Variants in NR4A3 observed in about 807,000 individuals in gnomAD.
NR4A3 encodes chondrosarcoma, extraskeletal myxoid, fused to EWS.
Under a neutral mutation model 55.6 loss-of-function variants are expected in NR4A3, and 13 were observed. That is an observed-to-expected ratio of 0.23 (90% CI 0.15 to 0.37). The LOEUF (loss-of-function observed/expected upper bound fraction) is 0.37. Ranked by LOEUF, NR4A3 falls within the 10% of genes least tolerant of loss-of-function variation. The pLI is 1.00. For missense variants in NR4A3, 646 were observed against 822.8 expected (o/e 0.79, Z 2.63); for synonymous variants, 342 against 357.9 (o/e 0.96, Z 0.50).
At chr9:99,849,841 C>A (rs925586939) in intron 7 of NR4A3, among the ~76,000 whole-genome samples, 1 of 152,150 alleles carries the variant, frequency 6.6e-6, no homozygotes, top group African/African-American at 2.4e-5. Flanking sequence ...CATAGACATG[C>A]AAAGTACCAC....
At chr9:99,823,438 G>C (rs948758197) in intron 1 of NR4A3, among the ~76,000 whole-genome samples, 1 of 152,070 alleles carries the variant, frequency 6.6e-6, no homozygotes, top group African/African-American at 2.4e-5. Flanking sequence ...TCTCCAGAGG[G>C]AAGAGCTGCG....
chr9:99,862,549 C>CA (rs59274273), intron 7 of NR4A3, among the ~76,000 whole-genome samples: 1,079 of 72,712 alleles, frequency 0.015, 95 homozygotes, highest in East Asian at 0.047. Context: ...GACTCTGTCT[C>CA]AAAAAAAAAA....
chr9:99,846,171 ATAGATACATACG>A (rs1416606574), intron 6 of NR4A3, among the ~76,000 whole-genome samples: 1 of 152,220 alleles, frequency 6.6e-6, no homozygotes, highest in Non-Finnish European at 1.5e-5. Flanking sequence ...ACAGGCCAAG[ATAGATACATACG>A]TGGCAAGAGA....
intron 7 of NR4A3, among the ~76,000 whole-genome samples, chr9:99,850,994 G>T (rs1259274590): frequency 1.3e-5 from 2 of 152,188 alleles, no homozygotes; most frequent in African/African-American, 4.8e-5. Context: ...TAAGAGAGAG[G>T]CTCAAAGGAG....
intron 5 of NR4A3, among the ~76,000 whole-genome samples, chr9:99,840,320 A>G (rs1033408527): frequency 6.6e-6 from 1 of 152,248 alleles, no homozygotes; most frequent in Admixed American, 6.5e-5. Flanking sequence ...CAGCAGGGGC[A>G]GAAGCCTGCA....
chr9:99,832,814 A>G lies in NR4A3; in HGVS notation c.1077A>G (p.Lys359=). The change falls in exon 4 of 8, where the codon AAA becomes AAG. Residue 359 remains lysine, a synonymous_variant. Coordinates refer to ENST00000395097, the MANE Select transcript of NR4A3 (RefSeq NM_006981.4). Reference sequence around the variant, plus strand: ...AGTGTCTCAGTGTTGGAATGGTAAAAGAAGGTATGGATATAATGCTTTTTA... The same window carrying G: ...AGTGTCTCAGTGTTGGAATGGTAAAGGAAGGTATGGATATAATGCTTTTTA... The part of the protein sequence containing the change: ...FQKCLSVGMV[K]EVVRTDSLKG... The G allele has an allele frequency of 6.3e-7, 1 of 1,581,496 alleles. No homozygotes were observed. The highest frequency in any genetic ancestry group is 8.6e-7 in the Non-Finnish European group (1 of 1,157,502).
chr9:99,834,184 G>A, intron 5 of NR4A3: 1 of 322,902 alleles, frequency 3.1e-6, no homozygotes, highest in Non-Finnish European at 4.6e-6. Flanking sequence ...ATTTCATATG[G>A]GATATAGTAA....
intron 5 of NR4A3, among the ~76,000 whole-genome samples, chr9:99,839,377 T>A (rs1827611026): frequency 6.6e-6 from 1 of 152,380 alleles, no homozygotes; most frequent in Admixed American, 6.5e-5. Context: ...GTAGTCTACA[T>A]ATTTAGCCAG....
At chr9:99,852,831 G>A (rs1587886165) in intron 7 of NR4A3, among the ~76,000 whole-genome samples, 3 of 152,166 alleles carry the variant, frequency 2.0e-5, no homozygotes, top group Admixed American at 6.5e-5. Flanking sequence ...GGCTGACCAC[G>A]GCACACCCTC....
intron 5 of NR4A3, among the ~76,000 whole-genome samples, chr9:99,844,194 C>G (rs1348738592): frequency 6.6e-6 from 1 of 152,090 alleles, no homozygotes; most frequent in African/African-American, 2.4e-5. Flanking sequence ...ATGAGTAGAC[C>G]CTTGAGATCT....
Position 99,864,106 on chromosome 9 carries a change from A to C in NR4A3, c.*239A>C. 1 of 296,160 alleles carries C rather than the reference A, an allele frequency of 3.4e-6. No individual in the cohort carries two copies. Among genetic ancestry groups the C allele is most frequent in the East Asian group, 6.5e-5 (1 of 15,296 alleles). The allele number at this position is 296,160 out of a possible 1,614,324, so 18.3% of individuals were successfully genotyped here. ...TTTAGGCATTGGGGGATGGGGTGGG[A>C]GGGGGTTATAGTTCATGAGGGTTTT... On this transcript the variant is annotated 3_prime_UTR_variant, in exon 8 of 8. Coordinates refer to ENST00000395097, the MANE Select transcript of NR4A3 (RefSeq NM_006981.4).
chr9:99,857,284 C>T (rs762577669), intron 7 of NR4A3, among the ~76,000 whole-genome samples: 7 of 152,008 alleles, frequency 4.6e-5, no homozygotes, highest in East Asian at 3.9e-4. Context: ...AGCTTAGAGA[C>T]GTGGCTGATT....
Position 99,864,122 on chromosome 9 carries a change from T to C in NR4A3, c.*255T>C, listed in dbSNP as rs1156748561. 4 of 396,470 alleles carry C rather than the reference T, an allele frequency of 1.0e-5. No homozygotes were observed. The highest frequency in any genetic ancestry group is 1.4e-5 in the Non-Finnish European group (3 of 220,598). 24.6% of individuals were successfully genotyped at this position (396,470 alleles called of 1,614,324 possible). ...TGGGGTGGGAGGGGGTTATAGTTCATGAGGGTTTTCTAAGAAATTGCTAAC... is the reference window on the plus strand; with the variant it reads ...TGGGGTGGGAGGGGGTTATAGTTCACGAGGGTTTTCTAAGAAATTGCTAAC... On this transcript the variant is annotated 3_prime_UTR_variant, in exon 8 of 8. Transcript: ENST00000395097.
chr9:99,849,946 T>C (rs936744454), intron 7 of NR4A3, among the ~76,000 whole-genome samples: 1 of 152,122 alleles, frequency 6.6e-6, no homozygotes, highest in African/African-American at 2.4e-5. Context: ...TCAGAAGAGA[T>C]CACAGGAGCT....
chr9:99,832,878 A>G (rs1827474188), intron 4 of NR4A3, 60 bp downstream of exon 4: 4 of 1,377,652 alleles, frequency 2.9e-6, no homozygotes, highest in Middle Eastern at 3.8e-4. Flanking sequence ...ATCAGTGAAA[A>G]AAAGCTAATA....
At chr9:99,863,196 G>T (rs2118185198) in intron 7 of NR4A3, among the ~76,000 whole-genome samples, 1 of 152,260 alleles carries the variant, frequency 6.6e-6, no homozygotes, top group South Asian at 2.1e-4. Flanking sequence ...AAAAATAGTT[G>T]CCTACTGACA....
chr9:99,849,325 C>T (rs752092122), intron 7 of NR4A3, among the ~76,000 whole-genome samples: 1 of 152,000 alleles, frequency 6.6e-6, no homozygotes, highest in Non-Finnish European at 1.5e-5. Flanking sequence ...AAACTGACTT[C>T]CTCCTGGTCT....
chr9:99,842,359 C>A (rs1367027892), intron 5 of NR4A3, among the ~76,000 whole-genome samples: 1 of 152,194 alleles, frequency 6.6e-6, no homozygotes, highest in East Asian at 1.9e-4. Context: ...GTGCCAGTCA[C>A]TGTACTGTTG....
chr9:99,839,666 C>T (rs940681864), intron 5 of NR4A3, among the ~76,000 whole-genome samples: 3 of 152,192 alleles, frequency 2.0e-5, no homozygotes, highest in African/African-American at 7.2e-5. Context: ...TAGGCATTGG[C>T]TGTCAGTAAA....
Sources: gnomAD v4.1 joint callset for allele counts (sites outside exome capture counted in the v4.1 genomes callset) on GRCh38, gnomAD v4.1.1 for gene constraint, MANE v1.5 for transcripts, NCBI Gene and HGNC (gene_info 2026-07-23, HGNC 2026-07-21) for gene names.